The following CASP6 variants were observed in gnomAD, a reference collection of about 807,000 sequenced individuals.
The protein encoded by CASP6 is caspase 6, also known as caspase-6.
CASP6 carries 20 observed loss-of-function variants against 31.8 expected under a neutral mutation model. The ratio of observed to expected loss-of-function variants is 0.63; its 90% CI spans 0.44 to 0.91. The LOEUF is 0.91. Ranked by LOEUF, CASP6 falls within the 40% of genes least tolerant of loss-of-function variation. The probability of loss-of-function intolerance (pLI) is 0.00; values close to 1 mark genes in which losing one functional copy is unlikely to be tolerated. For missense variants in CASP6, 328 were observed against 361.1 expected (o/e 0.91, Z 0.74); for synonymous variants, 130 against 127.8 (o/e 1.02, Z -0.12).
At chr4:109,685,138 C>G, downstream of CASP6, 1 of 607,496 alleles carries the variant, frequency 1.6e-6, no homozygotes, top group Non-Finnish European at 3.0e-6. Context: ...AAATATTTCA[C>G]TCATTCATCT....
the CASP6 span, among the ~76,000 whole-genome samples, chr4:109,679,403 C>T: frequency 2.6e-5 from 4 of 152,144 alleles, no homozygotes; most frequent in South Asian, 4.1e-4. Flanking sequence ...CCCAGCACCT[C>T]GGGAGGCCGA....
At chr4:109,685,238 CT>C (rs3214165), downstream of CASP6, 116 of 896,170 alleles carry the variant, frequency 1.3e-4, no homozygotes, top group Middle Eastern at 2.8e-4. Context: ...TTCTCTCTCT[CT>C]TTTTTTTTAA....
the CASP6 span, among the ~76,000 whole-genome samples, chr4:109,673,576 A>G: frequency 5.9e-5 from 9 of 152,360 alleles, no homozygotes; most frequent in East Asian, 1.5e-3. Flanking sequence ...AAGGAAAACA[A>G]TGGCAGAGGA....
In CASP6 at chr4:109,703,390, G is replaced by C. The variant is rs777518317; in HGVS notation, c.6C>G (p.Ser2Arg). ...GCCCCCTGCGGAGCCCCGAGGCCGA[G>C]CTCATTGCAGCCAAACGCGCAGCCA... Reference protein sequence around the residue: MSSASGLRRGHP... With the variant: MRSASGLRRGHP... The change falls in exon 1 of 7, where the codon AGC (serine) becomes AGG (arginine). Residue 2 changes from serine to arginine, a missense_variant. Physicochemically the swap from Ser to Arg is moderately radical, Grantham distance 110. Transcript: ENST00000265164. The C allele has an allele frequency of 1.2e-6, 2 of 1,611,752 alleles. No homozygotes were observed. The highest frequency in any genetic ancestry group is 1.7e-6 in the Non-Finnish European group (2 of 1,179,280).
chr4:109,708,367 G>A (rs1453292813), upstream of CASP6, among the ~76,000 whole-genome samples: 2 of 152,222 alleles, frequency 1.3e-5, no homozygotes, highest in East Asian at 3.8e-4. Context: ...TGCCTGCCAT[G>A]TGAAGAGCTC....
At chr4:109,664,495 G>A in the CASP6 span, 1 of 586,056 alleles carries the variant, frequency 1.7e-6, no homozygotes. Flanking sequence ...CGTCGTCATA[G>A]CTCACTGTAA....
chr4:109,703,128 G>A (rs970234967), intron 1 of CASP6, among the ~76,000 whole-genome samples: 2 of 152,200 alleles, frequency 1.3e-5, no homozygotes, highest in African/African-American at 4.8e-5. Flanking sequence ...GGACCGCCAG[G>A]AGGCGGCAGC....
chr4:109,678,358 G>A, the CASP6 span, among the ~76,000 whole-genome samples: 1 of 152,190 alleles, frequency 6.6e-6, no homozygotes, highest in Non-Finnish European at 1.5e-5. Flanking sequence ...ACACCTCCCA[G>A]GTGGGGCGGC....
chr4:109,673,755 A>G, the CASP6 span: 2 of 558,170 alleles, frequency 3.6e-6, no homozygotes, highest in Admixed American at 3.1e-5. Context: ...TAAATGAGAA[A>G]TAAGCTTCTG....
chr4:109,694,665 C>CAG lies in CASP6; in HGVS notation c.342_343insCT (p.Val115LeufsTer6). ...TCGCCATGGCTCAGGAAGACACACA[C>CAG]AAAGCAATCGGCATCTGCGTGGCTA... On this transcript the variant is annotated frameshift_variant, in exon 5 of 7. Coordinates refer to ENST00000265164, the MANE Select transcript of CASP6 (RefSeq NM_001226.4). LOFTEE classifies it high-confidence loss of function. The CAG allele has an allele frequency of 6.2e-7, 1 of 1,605,904 alleles. No individual in the cohort carries two copies. Among genetic ancestry groups the CAG allele is most frequent in the Non-Finnish European group, 8.5e-7 (1 of 1,176,872 alleles).
upstream of CASP6, among the ~76,000 whole-genome samples, chr4:109,706,129 TTTTATATATATATATATATATATATATA>T (rs1394896206): frequency 8.9e-5 from 5 of 56,098 alleles, no homozygotes; most frequent in African/African-American, 2.5e-4. Context: ...TACCTATCCA[TTTTATATATATATATATATATATATATA>T]TATATATATA....
At chr4:109,684,625 A>G (rs75838566), downstream of CASP6, 1,196 of 1,534,800 alleles carry the variant, frequency 7.8e-4, 21 homozygotes, top group East Asian at 0.025. Flanking sequence ...TCTTTTTTGC[A>G]TACTTTATAG....
At chr4:109,703,697 G>A, upstream of CASP6, 1 of 483,386 alleles carries the variant, frequency 2.1e-6, no homozygotes, top group South Asian at 3.2e-5. Context: ...CATGCCAGTT[G>A]CCACCCGGGG....
upstream of CASP6, among the ~76,000 whole-genome samples, chr4:109,705,845 T>C (rs1467380790): frequency 1.4e-5 from 2 of 147,638 alleles, no homozygotes; most frequent in African/African-American, 2.5e-5. Context: ...CCAAGAGTGG[T>C]GGCACATGCC....
chr4:109,704,970 G>A (rs1730552729), upstream of CASP6, among the ~76,000 whole-genome samples: 1 of 152,180 alleles, frequency 6.6e-6, no homozygotes, highest in Non-Finnish European at 1.5e-5. Flanking sequence ...CTCCCAAAGT[G>A]CTGGGATTAC....
downstream of CASP6, chr4:109,687,720 T>C (rs1729883230): frequency 1.5e-6 from 1 of 646,318 alleles, no homozygotes. Context: ...AACAGAAGTA[T>C]TGTTTGAAGT....
At chr4:109,678,630 G>C in the CASP6 span, among the ~76,000 whole-genome samples, 1 of 137,342 alleles carries the variant, frequency 7.3e-6, no homozygotes, top group African/African-American at 2.8e-5. Context: ...TCCCAGACGG[G>C]GTGGCGGCCG....
Position 109,703,339 on chromosome 4 carries a change from C to T in CASP6, c.40+17G>A. On this transcript the variant is annotated intron_variant, in intron 1 of 6. Coordinates refer to ENST00000265164, the MANE Select transcript of CASP6 (RefSeq NM_001226.4). ...GACGCAGACCTGCTCGGTGCCCAGT[C>T]GACGCCCCCTGCCTACCTGCCGGGT... is the stretch of plus-strand genomic sequence containing the variant. The T allele has an allele frequency of 6.2e-7, 1 of 1,605,390 alleles. No homozygotes were observed. The highest frequency in any genetic ancestry group is 8.5e-7 in the Non-Finnish European group (1 of 1,176,478).
intron 1 of CASP6, among the ~76,000 whole-genome samples, chr4:109,699,774 C>G (rs5030544): frequency 1.9e-3 from 283 of 152,304 alleles, no homozygotes; most frequent in African/African-American, 6.5e-3. Flanking sequence ...AGCACAGTAA[C>G]GAGGTACTTC....
Sources: allele counts gnomAD v4.1 joint callset (sites outside exome capture counted in the v4.1 genomes callset), GRCh38; gene constraint gnomAD v4.1.1; transcripts MANE v1.5; gene names NCBI Gene and HGNC (gene_info 2026-07-23, HGNC 2026-07-21).